The following AUTS2 variants were observed in gnomAD, a reference collection of about 807,000 sequenced individuals.
AUTS2 encodes autism susceptibility gene 2 protein.
In AUTS2, 17 loss-of-function variants were observed where a neutral mutation model predicts 112.4. The observed-to-expected ratio is 0.15, with a 90% CI of 0.10 to 0.23. AUTS2 has a LOEUF of 0.23. Among genes scored for constraint, AUTS2 ranks in the 10% least tolerant of loss-of-function variants. The pLI is 1.00. For missense variants in AUTS2, 1,510 were observed against 1,701.6 expected (o/e 0.89, Z 1.98); for synonymous variants, 751 against 702.7 (o/e 1.07, Z -1.09).
chr7:69,965,864 C>G (rs1169136585), intron 2 of AUTS2, among the ~76,000 whole-genome samples: 2 of 152,146 alleles, frequency 1.3e-5, no homozygotes, highest in Non-Finnish European at 2.9e-5. Flanking sequence ...TTCTGTCAAT[C>G]TCAGTGTGAA....
chr7:70,253,838 C>A (rs1786723004), intron 4 of AUTS2, among the ~76,000 whole-genome samples: 1 of 151,636 alleles, frequency 6.6e-6, no homozygotes, highest in African/African-American at 2.4e-5. Flanking sequence ...ATTTTTAGTT[C>A]ATCTAGCACT....
At chr7:70,128,512 G>A (rs1806097543) in intron 3 of AUTS2, among the ~76,000 whole-genome samples, 1 of 152,152 alleles carries the variant, frequency 6.6e-6, no homozygotes, top group Non-Finnish European at 1.5e-5. Context: ...AGAAAAGAAG[G>A]TAGACAGGTG....
rs181392750 is a variant in AUTS2, at chr7:70,074,489, G to A, written c.523-43643G>A. On this transcript the variant is annotated intron_variant, in intron 2 of 18. Coordinates refer to ENST00000342771, the MANE Select transcript of AUTS2 (RefSeq NM_015570.4). The stretch of plus-strand genomic sequence containing the variant: ...TGTTGAGTCTCACTCTTTTTATTTT[G>A]GACCATTTCTTTCATGTGGGAGCCT... Among the ~76,000 whole-genome samples, 667 of 151,994 alleles carry A rather than the reference G, an allele frequency of 4.4e-3. 2 individuals are homozygous for A. The highest frequency in any genetic ancestry group is 6.5e-3 in the Admixed American group (99 of 15,272).
chr7:69,640,462 A>G (rs964084816), intron 1 of AUTS2, among the ~76,000 whole-genome samples: 2 of 152,216 alleles, frequency 1.3e-5, no homozygotes, highest in Admixed American at 6.5e-5. Context: ...TTTACTGAAG[A>G]TATCCCACTG....
intron 1 of AUTS2, among the ~76,000 whole-genome samples, chr7:69,681,952 G>C (rs1190745212): frequency 2.6e-5 from 4 of 152,144 alleles, no homozygotes; most frequent in Non-Finnish European, 5.9e-5. Context: ...TACTAGATGT[G>C]TGACCTTGGA....
chr7:70,615,385 C>T lies in AUTS2; in HGVS notation c.691-83184C>T, dbSNP rs543496002. On this transcript the variant is annotated intron_variant, in intron 5 of 18. Coordinates refer to ENST00000342771, the MANE Select transcript of AUTS2 (RefSeq NM_015570.4). ...ACCCATTGCCAGATACAACTTCTGT[C>T]GAACTAAGACTTCCCTCCCATGTAC... Among the ~76,000 whole-genome samples the T allele has an allele frequency of 5.9e-5, 9 of 152,298 alleles. No homozygotes were observed. In the East Asian group the frequency reaches 9.7e-4, roughly 16 times the overall value.
intron 4 of AUTS2, among the ~76,000 whole-genome samples, chr7:70,143,387 A>G (rs552509046): frequency 1.3e-5 from 2 of 152,236 alleles, no homozygotes; most frequent in Non-Finnish European, 2.9e-5. Context: ...CCTGGTGACA[A>G]GCTGTTTAGA....
intron 1 of AUTS2, among the ~76,000 whole-genome samples, chr7:69,884,235 C>G (rs534027391): frequency 6.6e-6 from 1 of 152,304 alleles, no homozygotes; most frequent in South Asian, 2.1e-4. Context: ...GTGGACAGCT[C>G]TTACAGATAA....
At chr7:70,173,826 T>C (rs56246562) in intron 4 of AUTS2, among the ~76,000 whole-genome samples, 151,407 of 152,282 alleles carry the variant, frequency 0.99, 75,267 homozygotes, top group Middle Eastern at 1. Context: ...TAAACCTCGC[T>C]ATATAAGAAC....
intron 5 of AUTS2, 150 bp downstream of exon 5, chr7:70,435,931 T>C: frequency 1.3e-6 from 1 of 751,502 alleles, no homozygotes; most frequent in African/African-American, 1.7e-5. Flanking sequence ...CACAGTGACA[T>C]TTCCTATGCT....
At chr7:70,782,438 T>C (rs1791151965) in intron 15 of AUTS2, 1 of 152,146 alleles carries the variant, frequency 6.6e-6, no homozygotes, top group Non-Finnish European at 1.5e-5. Flanking sequence ...AGGGGTGAGG[T>C]AGAGAGTGAC....
chr7:69,907,562 A>G (rs539588878), intron 2 of AUTS2, among the ~76,000 whole-genome samples: 12 of 152,318 alleles, frequency 7.9e-5, no homozygotes, highest in African/African-American at 1.9e-4. Flanking sequence ...AAGCTATGCA[A>G]TTTGTTATTA....
At chr7:70,212,679 T>C (rs1239063439) in intron 4 of AUTS2, among the ~76,000 whole-genome samples, 1 of 146,538 alleles carries the variant, frequency 6.8e-6, no homozygotes, top group African/African-American at 2.5e-5. Flanking sequence ...CCTCTTCTCT[T>C]ACCCCTTTCA....
chr7:70,780,731 TGTTA>T (rs1791016276), intron 14 of AUTS2, among the ~76,000 whole-genome samples: 1 of 152,250 alleles, frequency 6.6e-6, no homozygotes, highest in Non-Finnish European at 1.5e-5. Context: ...AAAGGGCCTC[TGTTA>T]GTTAAATTAA....
intron 4 of AUTS2, among the ~76,000 whole-genome samples, chr7:70,387,896 C>T (rs1465702870): frequency 6.6e-6 from 1 of 152,180 alleles, no homozygotes; most frequent in Non-Finnish European, 1.5e-5. Flanking sequence ...TCCTTCAACA[C>T]ATATGTCATA....
At chr7:70,660,677 G>A (rs1807024049) in intron 5 of AUTS2, among the ~76,000 whole-genome samples, 1 of 152,196 alleles carries the variant, frequency 6.6e-6, no homozygotes, top group South Asian at 2.1e-4. Flanking sequence ...TACATTATGT[G>A]CATCCTGTCG....
intron 4 of AUTS2, among the ~76,000 whole-genome samples, chr7:70,146,368 A>G (rs1807124336): frequency 6.6e-6 from 1 of 152,002 alleles, no homozygotes; most frequent in Non-Finnish European, 1.5e-5. Context: ...CATTGACCAT[A>G]ATTTTACTTA....
chr7:69,921,327 G>GTTTTTTTTTTTTTTTTTTTTTTT (rs11289784), intron 2 of AUTS2, among the ~76,000 whole-genome samples: 2 of 90,404 alleles, frequency 2.2e-5, no homozygotes, highest in Non-Finnish European at 2.2e-5. Context: ...TAGACTTGAA[G>GTTTTTTTTTTTTTTTTTTTTTTT]TTTTTTTTTT....
At chr7:69,805,126 G>A (rs1790244674) in intron 1 of AUTS2, among the ~76,000 whole-genome samples, 1 of 152,178 alleles carries the variant, frequency 6.6e-6, no homozygotes, top group African/African-American at 2.4e-5. Flanking sequence ...ATCCACTGTG[G>A]CAGTGTTTAT....
Sources: gnomAD v4.1 joint callset for allele counts (sites outside exome capture counted in the v4.1 genomes callset) on GRCh38, gnomAD v4.1.1 for gene constraint, MANE v1.5 for transcripts, NCBI Gene and HGNC (gene_info 2026-07-23, HGNC 2026-07-21) for gene names.